The following CFAP92 variants were observed in gnomAD, a reference collection of about 807,000 sequenced individuals.
CFAP92 encodes the protein uncharacterized protein CFAP92.
In CFAP92, 86 loss-of-function variants were observed where a neutral mutation model predicts 106.3. That is an observed-to-expected ratio of 0.81 (90% CI 0.68 to 0.97). CFAP92 has a LOEUF of 0.97. Among genes scored for constraint, CFAP92 ranks in the 50% least tolerant of loss-of-function variants. CFAP92 has a pLI of 0.00. For synonymous variants in CFAP92, 477 were observed against 506.4 expected, an observed-to-expected ratio of 0.94 and a Z score of 0.78; for missense variants, 1,204 against 1,283.8, an observed-to-expected ratio of 0.94 and a Z score of 0.95.
intron 12 of CFAP92, among the ~76,000 whole-genome samples, chr3:128,924,606 G>C (rs943690759): frequency 3.7e-5 from 5 of 133,670 alleles, no homozygotes; most frequent in African/African-American, 1.6e-4. Context: ...CACCACGTCC[G>C]GCTCATTTTG....
intron 2 of CFAP92, among the ~76,000 whole-genome samples, chr3:128,992,470 G>A (rs1259031910): frequency 6.6e-6 from 1 of 152,072 alleles, no homozygotes; most frequent in Non-Finnish European, 1.5e-5. Context: ...GCTGAGGCAC[G>A]AGAATTGCTT....
At chr3:128,961,603 T>A (rs200883296) in intron 9 of CFAP92, among the ~76,000 whole-genome samples, 1 of 146,954 alleles carries the variant, frequency 6.8e-6, no homozygotes, top group African/African-American at 2.5e-5. Context: ...TTTTTCTTTA[T>A]CCCAAATCAG....
intron 9 of CFAP92, 55 bp from the exon 10 acceptor site, chr3:128,946,030 C>T (rs1270584424): frequency 3.0e-6 from 4 of 1,311,548 alleles, no homozygotes; most frequent in Non-Finnish European, 4.0e-6. Flanking sequence ...AGTCACTCAG[C>T]CCCAGCATGA....
intron 11 of CFAP92, among the ~76,000 whole-genome samples, chr3:128,933,738 A>G (rs1938664695): frequency 6.6e-6 from 1 of 152,174 alleles, no homozygotes; most frequent in South Asian, 2.1e-4. Flanking sequence ...TTTCCTTCAT[A>G]GAACCCTCAG....
At chr3:128,973,064 C>T (rs1942915842) in intron 7 of CFAP92, among the ~76,000 whole-genome samples, 1 of 152,024 alleles carries the variant, frequency 6.6e-6, no homozygotes, top group South Asian at 2.1e-4. Flanking sequence ...GTGTACAAAA[C>T]AAGATAACAT....
chr3:128,930,053 A>T (rs1938171874), intron 12 of CFAP92, among the ~76,000 whole-genome samples: 1 of 152,224 alleles, frequency 6.6e-6, no homozygotes, highest in Non-Finnish European at 1.5e-5. Context: ...ATGATTTTTT[A>T]AAAAGCTGGA....
chr3:129,015,698 G>A, the CFAP92 span, among the ~76,000 whole-genome samples: 107 of 152,300 alleles, frequency 7.0e-4, no homozygotes, highest in Non-Finnish European at 1.1e-3. Context: ...GTAGGGACCA[G>A]AGAGGAGTCA....
At chr3:129,019,220 A>C in the CFAP92 span, among the ~76,000 whole-genome samples, 1 of 152,228 alleles carries the variant, frequency 6.6e-6, no homozygotes. Flanking sequence ...TTCCTAGGTC[A>C]CAAGGGTATT....
At chr3:129,013,847 T>A in the CFAP92 span, among the ~76,000 whole-genome samples, 2 of 152,186 alleles carry the variant, frequency 1.3e-5, no homozygotes, top group African/African-American at 2.4e-5. Flanking sequence ...GGGGGGCTAC[T>A]TGTGGGCAAT....
intron 10 of CFAP92, among the ~76,000 whole-genome samples, chr3:128,936,853 C>G (rs1939074525): frequency 6.6e-6 from 1 of 152,154 alleles, no homozygotes; most frequent in Admixed American, 6.6e-5. Flanking sequence ...TTTAGAGATT[C>G]ATCTCTGTAT....
At chr3:128,935,460 C>T in intron 10 of CFAP92, 141 bp from the exon 11 acceptor site, 2 of 525,406 alleles carry the variant, frequency 3.8e-6, no homozygotes. Context: ...GCCTATAATC[C>T]CAGCACTTTG....
chr3:128,933,406 G>T (rs1444464900), intron 11 of CFAP92, among the ~76,000 whole-genome samples: 1 of 152,138 alleles, frequency 6.6e-6, no homozygotes, highest in Non-Finnish European at 1.5e-5. Flanking sequence ...AGAAGGAGGA[G>T]GCTGGAGAGA....
At chr3:128,974,905 G>T (rs1039618821) in intron 7 of CFAP92, among the ~76,000 whole-genome samples, 6 of 151,644 alleles carry the variant, frequency 4.0e-5, no homozygotes. Context: ...CAGATCACGA[G>T]GTCAGGAGAT....
At chr3:128,939,853 C>T (rs1414714268) in intron 10 of CFAP92, among the ~76,000 whole-genome samples, 1 of 152,182 alleles carries the variant, frequency 6.6e-6, no homozygotes, top group Non-Finnish European at 1.5e-5. Context: ...TGTTCCCGCT[C>T]CTATGAGAAT....
At chr3:129,014,267 G>A in the CFAP92 span, among the ~76,000 whole-genome samples, 1 of 152,244 alleles carries the variant, frequency 6.6e-6, no homozygotes, top group Non-Finnish European at 1.5e-5. The surrounding 1 kb of genome is among the most constrained non-coding windows in gnomAD (Gnocchi z 4.3). Context: ...GCGGGTGGAC[G>A]AGGGGAGGGT....
chr3:128,923,960 C>G (rs919943869), intron 12 of CFAP92, among the ~76,000 whole-genome samples: 2 of 152,174 alleles, frequency 1.3e-5, no homozygotes, highest in African/African-American at 4.8e-5. Flanking sequence ...TGGATTAAGG[C>G]CATTGGAAGC....
chr3:128,988,746 G>C lies in CFAP92; in HGVS notation c.435C>G (p.Phe145Leu). ...CACGCACCTTTACTCCTGACTCCAG[G>C]AATACTTTGGCCACCATTGGAAATA... ...ILLFPMVAKV[F>L]LESGVKTVKP... Residue 145 changes from phenylalanine (F) to leucine (L), a missense_variant, in exon 3 of 16, where the codon TTC (phenylalanine) becomes TTG (leucine). By Grantham distance (22) the Phe-to-Leu change is conservative. Coordinates refer to ENST00000645291, the MANE Select transcript of CFAP92 (RefSeq NM_001394090.1). 1.2e-6 allele frequency: 2 copies of C among 1,613,568 alleles called. No individual in the cohort carries two copies. The highest frequency in any genetic ancestry group is 1.7e-6 in the Non-Finnish European group (2 of 1,179,868).
intron 12 of CFAP92, among the ~76,000 whole-genome samples, chr3:128,925,872 CAG>C (rs779930637): frequency 7.6e-4 from 116 of 152,280 alleles, no homozygotes; most frequent in Non-Finnish European, 1.6e-3. Context: ...CAATGGAAGT[CAG>C]AGGACAACGG....
chr3:129,003,743 T>C (rs1174019681), upstream of CFAP92: 3 of 1,313,810 alleles, frequency 2.3e-6, no homozygotes, highest in Non-Finnish European at 2.9e-6. Flanking sequence ...GTTCGTCTGG[T>C]GCATCTGGCT....
Sources: gnomAD v4.1 joint callset for allele counts (sites outside exome capture counted in the v4.1 genomes callset) on GRCh38, gnomAD v4.1.1 for gene constraint, Gnocchi (gnomAD v3.1) non-coding constraint, MANE v1.5 for transcripts, NCBI Gene and HGNC (gene_info 2026-07-23, HGNC 2026-07-21) for gene names.